NAV3: variants seen among roughly 807,000 people sequenced by gnomAD.
The protein encoded by NAV3 is neuron navigator 3.
A neutral mutation model predicts 244.7 loss-of-function variants in NAV3; 87 were observed. That is an observed-to-expected ratio of 0.36 (90% CI 0.30 to 0.42). The LOEUF is 0.42. Among genes scored for constraint, NAV3 ranks in the 20% least tolerant of loss-of-function variants. NAV3 has a pLI of 1.00. For synonymous variants in NAV3, 1,126 were observed against 1,042.2 expected (o/e 1.08, Z -1.55); for missense variants, 2,663 against 2,893.3 (o/e 0.92, Z 1.83).
intron 2 of NAV3, among the ~76,000 whole-genome samples, chr12:77,760,288 A>G (rs993260782): frequency 1.3e-5 from 2 of 152,206 alleles, no homozygotes; most frequent in Non-Finnish European, 2.9e-5. Context: ...TGCTGAGGCA[A>G]TATCTTGGCC....
intron 1 of NAV3, among the ~76,000 whole-genome samples, chr12:77,856,628 G>T (rs967589227): frequency 6.6e-6 from 1 of 151,892 alleles, no homozygotes; most frequent in Non-Finnish European, 1.5e-5. Context: ...TAATTAAAAA[G>T]TAAAATAATA....
intron 5 of NAV3, among the ~76,000 whole-genome samples, chr12:77,994,296 A>G (rs1871963037): frequency 6.6e-6 from 1 of 152,260 alleles, no homozygotes; most frequent in East Asian, 1.9e-4. Context: ...CTTATTAGAC[A>G]GAAACCAGAT....
intron 18 of NAV3, chr12:78,130,547 C>T: frequency 5.1e-6 from 1 of 196,584 alleles, no homozygotes; most frequent in Admixed American, 4.7e-5. Context: ...TACCACACTC[C>T]CAGAGGGCTA....
At chr12:78,132,282 T>G (rs760971997) in intron 18 of NAV3, among the ~76,000 whole-genome samples, 4 of 152,200 alleles carry the variant, frequency 2.6e-5, no homozygotes, top group Non-Finnish European at 5.9e-5. Context: ...TTTAATGTTC[T>G]AATGAATTAG....
chr12:77,918,646 G>A (rs1887401313), intron 1 of NAV3, among the ~76,000 whole-genome samples: 1 of 152,016 alleles, frequency 6.6e-6, no homozygotes, highest in African/African-American at 2.4e-5. Flanking sequence ...GTTTCTGGGG[G>A]GTGATATGGC....
At chr12:77,907,128 A>ACAGG (rs1456229163) in intron 1 of NAV3, among the ~76,000 whole-genome samples, 1 of 152,178 alleles carries the variant, frequency 6.6e-6, no homozygotes, top group Admixed American at 6.6e-5. Context: ...TTCCTGTGTG[A>ACAGG]CAGGCTCATG....
intron 9 of NAV3, among the ~76,000 whole-genome samples, chr12:78,049,132 C>T (rs1201514778): frequency 1.3e-5 from 2 of 152,206 alleles, no homozygotes; most frequent in Non-Finnish European, 2.9e-5. Flanking sequence ...AATTTCAAGC[C>T]AGTGGATCTT....
chr12:77,717,161 A>G (rs953347503), intron 2 of NAV3, among the ~76,000 whole-genome samples: 3 of 152,096 alleles, frequency 2.0e-5, no homozygotes, highest in African/African-American at 4.8e-5. Context: ...CTGTTGACAA[A>G]TGTTTAACTG....
At chr12:77,645,217 A>G (rs1220885845) in intron 2 of NAV3, among the ~76,000 whole-genome samples, 16 of 152,098 alleles carry the variant, frequency 1.1e-4, no homozygotes, top group Non-Finnish European at 1.6e-4. Context: ...GAAGGGTTAC[A>G]AAAGGTTGAG....
At position 77,821,053 on chromosome 12, in the gene NAV3, C is replaced by A. The variant is rs183917314; in HGVS notation, c.73-119266C>A. Among the ~76,000 whole-genome samples the A allele has an allele frequency of 1.1e-3, 169 of 150,186 alleles. 1 individual carries two copies. The highest frequency in any genetic ancestry group is 4.0e-3 in the African/African-American group (163 of 41,168). ...CTCTTTCTTATTATCTGTCTCTGCC[C>A]ATCACACACACACATGTACACACAC... On this transcript the variant is annotated intron_variant, in intron 2 of 8. Transcript: ENST00000550042.
intron 2 of NAV3, among the ~76,000 whole-genome samples, chr12:77,696,035 A>T (rs909957270): frequency 6.6e-6 from 1 of 152,166 alleles, no homozygotes; most frequent in Non-Finnish European, 1.5e-5. Context: ...ACATCAGTCC[A>T]AGAAGAGAGA....
chr12:78,176,520 A>G (rs1958234388), intron 26 of NAV3, 61 bp downstream of exon 26: 3 of 1,543,524 alleles, frequency 1.9e-6, no homozygotes, highest in Admixed American at 3.4e-5. Flanking sequence ...CTTGGCATGA[A>G]TGCTATCCAT....
In NAV3 at chr12:77,766,734, A is replaced by AGTTT. The variant is rs1565805094; in HGVS notation, c.73-173584_73-173581dup. 3.9e-4 allele frequency among the ~76,000 whole-genome samples: 21 copies of AGTTT among 53,342 alleles called. 5 individuals are homozygous for AGTTT. The highest frequency in any genetic ancestry group is 8.8e-4 in the Non-Finnish European group (20 of 22,760). 35.0% of individuals were successfully genotyped at this position (53,342 alleles called of 152,430 possible). On this transcript the variant is annotated intron_variant, in intron 2 of 8. Transcript: ENST00000550042. Reference sequence around the variant, plus strand: ...TAGGATTCTAAAAAACAGGCAATTAAGTTTTTTTTTTTTTTTTTTTTTTTT... The same window carrying AGTTT: ...TAGGATTCTAAAAAACAGGCAATTAAGTTTGTTTTTTTTTTTTTTTTTTTTTTTT...
intron 9 of NAV3, among the ~76,000 whole-genome samples, chr12:78,034,445 G>A (rs1369740281): frequency 1.3e-5 from 2 of 152,182 alleles, no homozygotes; most frequent in Non-Finnish European, 2.9e-5. Context: ...GGGGCACAGC[G>A]AACTGTGTTT....
chr12:77,809,354 C>T (rs918514572), intron 2 of NAV3, among the ~76,000 whole-genome samples: 5 of 152,194 alleles, frequency 3.3e-5, no homozygotes, highest in African/African-American at 1.2e-4. Flanking sequence ...ATGGGAAAAG[C>T]GTAGTATCTG....
At chr12:77,881,687 T>C (rs1262961786) in intron 1 of NAV3, among the ~76,000 whole-genome samples, 1 of 152,112 alleles carries the variant, frequency 6.6e-6, no homozygotes, top group Non-Finnish European at 1.5e-5. Context: ...CCTAAGACTC[T>C]TCCAAAAGAC....
intron 10 of NAV3, 92 bp from the exon 11 acceptor site, chr12:78,050,672 A>C: frequency 1.5e-6 from 2 of 1,321,438 alleles, no homozygotes; most frequent in Non-Finnish European, 2.1e-6. Context: ...ATAAGAGATG[A>C]CCCTCAACTC....
intron 12 of NAV3, among the ~76,000 whole-genome samples, chr12:78,114,799 G>T (rs751706599): frequency 6.6e-6 from 1 of 152,096 alleles, no homozygotes; most frequent in East Asian, 1.9e-4. Context: ...TGACAGATAT[G>T]TGCTATAGTA....
chr12:78,116,706 A>G (rs995078130), intron 12 of NAV3, 66 bp from the exon 13 acceptor site: 2 of 1,397,360 alleles, frequency 1.4e-6, no homozygotes, highest in Non-Finnish European at 1.9e-6. Flanking sequence ...TGTTGCATGG[A>G]AATGTAGGTG....
Sources: allele counts gnomAD v4.1 joint callset (sites outside exome capture counted in the v4.1 genomes callset), GRCh38; gene constraint gnomAD v4.1.1; transcripts MANE v1.5; gene names NCBI Gene and HGNC (gene_info 2026-07-23, HGNC 2026-07-21).